Variants in R3HDM1 observed in about 807,000 individuals in gnomAD.
The protein encoded by R3HDM1 is R3H domain-containing protein 1.
In R3HDM1, 46 loss-of-function variants were observed where a neutral mutation model predicts 141.1. The ratio of observed to expected loss-of-function variants is 0.33; its 90% confidence interval spans 0.26 to 0.42. The LOEUF (loss-of-function observed/expected upper bound fraction) is 0.42. Ranked by LOEUF, R3HDM1 falls within the 10% of genes least tolerant of loss-of-function variation. R3HDM1 has a pLI of 1.00. For synonymous variants in R3HDM1, 435 were observed against 472.9 expected (o/e 0.92, Z 1.04); for missense variants, 1,184 against 1,368.3 (o/e 0.87, Z 2.12).
chr2:135,657,183 A>G (rs1217822534), intron 18 of R3HDM1, among the ~76,000 whole-genome samples: 2 of 151,844 alleles, frequency 1.3e-5, no homozygotes, highest in East Asian at 1.9e-4. Flanking sequence ...TGTACGGATC[A>G]CTTGAGGTCA....
intron 1 of R3HDM1, among the ~76,000 whole-genome samples, chr2:135,549,726 G>C (rs1699488946): frequency 6.6e-6 from 1 of 152,034 alleles, no homozygotes; most frequent in Non-Finnish European, 1.5e-5. Flanking sequence ...GAGTTTACCA[G>C]GAGTTGGGGG....
At chr2:135,541,921 T>C (rs1023660856) in intron 1 of R3HDM1, among the ~76,000 whole-genome samples, 1 of 151,320 alleles carries the variant, frequency 6.6e-6, no homozygotes, top group South Asian at 2.1e-4. Flanking sequence ...ATAGGTTGAG[T>C]ATTTTTTACC....
intron 1 of R3HDM1, among the ~76,000 whole-genome samples, chr2:135,591,921 G>A (rs558397041): frequency 4.5e-4 from 68 of 152,290 alleles, no homozygotes; most frequent in African/African-American, 1.5e-3. Context: ...AAGATGTATT[G>A]TCTTTCCTGC....
intron 21 of R3HDM1, among the ~76,000 whole-genome samples, chr2:135,694,368 G>A (rs886480734): frequency 6.6e-6 from 1 of 152,180 alleles, no homozygotes; most frequent in African/African-American, 2.4e-5. Context: ...GGTCTTGGGA[G>A]TGTGCTGACT....
At chr2:135,693,922 T>C (rs2072830480) in intron 21 of R3HDM1, among the ~76,000 whole-genome samples, 1 of 152,082 alleles carries the variant, frequency 6.6e-6, no homozygotes, top group East Asian at 1.9e-4. Context: ...GGAGAATAGC[T>C]TGAACCCGGA....
chr2:135,698,401 C>T (rs867914172), intron 21 of R3HDM1, among the ~76,000 whole-genome samples: 14 of 152,062 alleles, frequency 9.2e-5, no homozygotes, highest in Middle Eastern at 3.4e-3. Context: ...CCTCGTGATC[C>T]GCCCTCCTCA....
At chr2:135,570,092 G>A (rs550143787) in intron 1 of R3HDM1, among the ~76,000 whole-genome samples, 2 of 152,214 alleles carry the variant, frequency 1.3e-5, no homozygotes, top group Admixed American at 6.5e-5. Flanking sequence ...TAGAAAAATC[G>A]ATTTCCTCAG....
intron 21 of R3HDM1, among the ~76,000 whole-genome samples, 180 bp downstream of exon 21, chr2:135,680,504 T>C (rs1452855455): frequency 6.6e-6 from 1 of 152,248 alleles, no homozygotes; most frequent in Non-Finnish European, 1.5e-5. Context: ...GTACGGTGGC[T>C]CACGCCTATA....
At chr2:135,589,801 ATC>A (rs1242595707) in intron 1 of R3HDM1, among the ~76,000 whole-genome samples, 41 of 152,032 alleles carry the variant, frequency 2.7e-4, no homozygotes, top group African/African-American at 8.5e-4. Flanking sequence ...TGGATAATAT[ATC>A]TGTCACATTA....
At position 135,585,230 on chromosome 2, in the gene R3HDM1, G is replaced by A. The variant is rs142190197; in HGVS notation, c.-249-17270G>A. Among the ~76,000 whole-genome samples, 659 of 152,246 alleles carry A rather than the reference G, an allele frequency of 4.3e-3. 8 individuals carry two copies. Among genetic ancestry groups the A allele is most frequent in the African/African-American group, 0.015 (616 of 41,556 alleles). ...TTTTTAACAATCTACTTCTAGGGCC[G>A]AGTCTATTTTTGGAAAGGTGTTAAT... On this transcript the variant is annotated intron_variant, in intron 1 of 26. Coordinates refer to ENST00000683871, the MANE Select transcript of R3HDM1 (RefSeq NM_001378107.1).
chr2:135,658,311 C>T (rs2105298690), intron 18 of R3HDM1, among the ~76,000 whole-genome samples: 1 of 152,148 alleles, frequency 6.6e-6, no homozygotes, highest in African/African-American at 2.4e-5. Flanking sequence ...GACTACAAGG[C>T]GCGTGCCACC....
At chr2:135,674,180 T>A (rs2068799818) in intron 19 of R3HDM1, among the ~76,000 whole-genome samples, 1 of 152,250 alleles carries the variant, frequency 6.6e-6, no homozygotes, top group African/African-American at 2.4e-5. Flanking sequence ...ATTTAGTCCC[T>A]GAGCAGAATT....
intron 21 of R3HDM1, among the ~76,000 whole-genome samples, chr2:135,699,378 G>C (rs2105405171): frequency 6.6e-6 from 1 of 152,330 alleles, no homozygotes; most frequent in East Asian, 1.9e-4. Flanking sequence ...AGATACAGAA[G>C]ATTTGCCTCT....
intron 14 of R3HDM1, among the ~76,000 whole-genome samples, chr2:135,639,434 A>C (rs939327865): frequency 2.0e-5 from 3 of 152,160 alleles, no homozygotes; most frequent in Non-Finnish European, 4.4e-5. Flanking sequence ...GAAATTCTTT[A>C]TTACTTATTC....
At chr2:135,683,119 G>A (rs1236064146) in intron 21 of R3HDM1, among the ~76,000 whole-genome samples, 1 of 152,224 alleles carries the variant, frequency 6.6e-6, no homozygotes, top group Non-Finnish European at 1.5e-5. Context: ...TGACAAACTA[G>A]CATTGATCTG....
Position 135,604,945 on chromosome 2 carries a change from A to G in R3HDM1, c.100A>G (p.Lys34Glu). Residue 34 changes from lysine (K) to glutamate (E), a missense_variant, in exon 3 of 27, where the codon AAA becomes GAA. Lys to Glu is a moderately conservative substitution (Grantham distance 56). This residue lies in a region of R3HDM1 where 192 missense variants were observed against 215.7 expected (regional missense o/e 0.89). Coordinates refer to ENST00000683871, the MANE Select transcript of R3HDM1 (RefSeq NM_001378107.1). ...KDTTRVENLI[K>E]SENYGKILVE... ...TACAACCAGAGTTGAAAATCTTATCAAATCAGAAAACTATGGGAAGATTTT... is the reference window on the plus strand; with the variant it reads ...TACAACCAGAGTTGAAAATCTTATCGAATCAGAAAACTATGGGAAGATTTT... 1.2e-6 allele frequency: 2 copies of G among 1,612,604 alleles called. No individual in the cohort carries two copies. Among genetic ancestry groups the G allele is most frequent in the South Asian group, 2.2e-5 (2 of 91,026 alleles).
rs760443899 is a variant in R3HDM1, at chr2:135,631,404, C to CA, written c.498-300dup. On this transcript the variant is annotated intron_variant, in intron 7 of 26. Coordinates refer to ENST00000683871, the MANE Select transcript of R3HDM1 (RefSeq NM_001378107.1). Reference sequence around the variant, plus strand: ...TTTAAGTTCCTTCGTTGTGTGTAAGCAAAAAAAAAAAAAATGCATTTAAGA... The same window carrying CA: ...TTTAAGTTCCTTCGTTGTGTGTAAGCAAAAAAAAAAAAAAATGCATTTAAGA... 5.2e-3 allele frequency among the ~76,000 whole-genome samples: 601 copies of CA among 116,388 alleles called. 12 individuals are homozygous for CA. The East Asian group carries it at 0.061, about 12-fold the overall frequency. 76.4% of individuals were successfully genotyped at this position (116,388 alleles called of 152,430 possible). A position where few individuals can be genotyped will look rare whatever the true frequency, so the allele number is the denominator to read the frequency against.
intron 2 of R3HDM1, 93 bp downstream of exon 2, chr2:135,602,801 C>T (rs1404453541): frequency 9.4e-7 from 1 of 1,060,220 alleles, no homozygotes; most frequent in African/African-American, 1.6e-5. Context: ...AACTTCACCA[C>T]CCTCTCCCTA....
chr2:135,601,853 G>A (rs2059643093), intron 1 of R3HDM1, among the ~76,000 whole-genome samples: 1 of 151,938 alleles, frequency 6.6e-6, no homozygotes, highest in Admixed American at 6.6e-5. Flanking sequence ...GTAGAGATGG[G>A]GTCTCACTGT....
Sources: allele counts gnomAD v4.1 joint callset (sites outside exome capture counted in the v4.1 genomes callset), GRCh38; gene constraint gnomAD v4.1.1; regional missense constraint gnomAD v4.1.1; transcripts MANE v1.5; gene names NCBI Gene and HGNC (gene_info 2026-07-23, HGNC 2026-07-21).